The following KCNIP4 variants were observed in gnomAD, a reference collection of about 807,000 sequenced individuals.
KCNIP4 encodes the protein potassium voltage-gated channel interacting protein 4, also known as Kv channel-interacting protein 4.
A neutral mutation model predicts 34.0 loss-of-function variants in KCNIP4; 12 were observed. That is an observed-to-expected ratio of 0.35 (90% CI 0.23 to 0.57). KCNIP4 has a LOEUF of 0.57. Among genes scored for constraint, KCNIP4 ranks in the 20% least tolerant of loss-of-function variants. The pLI is 0.83. For synonymous variants in KCNIP4, 124 were observed against 102.2 expected (o/e 1.21, Z -1.29); for missense variants, 238 against 311.7 (o/e 0.76, Z 1.78).
At chr4:21,626,910 T>C (rs1292111640) in intron 1 of KCNIP4, among the ~76,000 whole-genome samples, 1 of 152,174 alleles carries the variant, frequency 6.6e-6, no homozygotes, top group African/African-American at 2.4e-5. Context: ...CCAGTCACTG[T>C]TGTGCAACTG....
chr4:21,774,997 T>C (rs1356480625), intron 1 of KCNIP4, among the ~76,000 whole-genome samples: 17 of 152,176 alleles, frequency 1.1e-4, no homozygotes, highest in Admixed American at 1.1e-3. Context: ...GATGGAGAGA[T>C]GTTGTGATCA....
chr4:21,389,679 AT>A (rs1355777823), intron 1 of KCNIP4, among the ~76,000 whole-genome samples: 1 of 151,428 alleles, frequency 6.6e-6, no homozygotes, highest in Non-Finnish European at 1.5e-5. Flanking sequence ...TATGTGCCAC[AT>A]TTTCTTAATC....
At chr4:20,757,345 T>G (rs1754567611) in intron 4 of KCNIP4, among the ~76,000 whole-genome samples, 1 of 152,200 alleles carries the variant, frequency 6.6e-6, no homozygotes, top group Non-Finnish European at 1.5e-5. Context: ...CCTGCAGTAT[T>G]GCTGACCTCA....
intron 1 of KCNIP4, among the ~76,000 whole-genome samples, chr4:21,140,810 A>G (rs1751894219): frequency 6.6e-6 from 1 of 152,100 alleles, no homozygotes; most frequent in Non-Finnish European, 1.5e-5. Context: ...CCAAGGTTGG[A>G]AAGTCCCTGT....
intron 1 of KCNIP4, among the ~76,000 whole-genome samples, chr4:21,018,605 T>G (rs1739760227): frequency 6.6e-6 from 1 of 152,160 alleles, no homozygotes. Context: ...GCTGAACCTA[T>G]TGACACTGCA....
At chr4:21,871,013 G>A (rs1382961234) in intron 1 of KCNIP4, among the ~76,000 whole-genome samples, 1 of 151,562 alleles carries the variant, frequency 6.6e-6, no homozygotes, top group East Asian at 1.9e-4. Context: ...AAAAACATGT[G>A]GTTGACAAAA....
intron 1 of KCNIP4, among the ~76,000 whole-genome samples, chr4:21,763,841 T>C (rs2109174915): frequency 6.6e-6 from 1 of 152,240 alleles, no homozygotes; most frequent in African/African-American, 2.4e-5. Flanking sequence ...CTGATTTATC[T>C]GAAATTGTAA....
intron 1 of KCNIP4, among the ~76,000 whole-genome samples, chr4:21,388,006 G>T (rs1212083503): frequency 6.6e-6 from 1 of 151,046 alleles, no homozygotes; most frequent in Non-Finnish European, 1.5e-5. Context: ...TTTTCTCTGG[G>T]ACGGGATGAA....
chr4:20,939,387 T>C (rs533439095), intron 1 of KCNIP4, among the ~76,000 whole-genome samples: 3 of 152,238 alleles, frequency 2.0e-5, no homozygotes, highest in East Asian at 3.9e-4. Context: ...TATTTATTTA[T>C]TTATTTTTTG....
chr4:21,653,653 T>G (rs771856237), intron 1 of KCNIP4, among the ~76,000 whole-genome samples: 8 of 152,244 alleles, frequency 5.3e-5, no homozygotes, highest in Non-Finnish European at 1.0e-4. Context: ...CAGCTACTAC[T>G]TATTAAATAT....
chr4:21,366,087 T>C (rs1410098918), intron 1 of KCNIP4, among the ~76,000 whole-genome samples: 1 of 152,206 alleles, frequency 6.6e-6, no homozygotes, highest in Non-Finnish European at 1.5e-5. Flanking sequence ...GCTTAGGAAT[T>C]GCACTTTTCA....
chr4:21,279,503 A>C (rs145349748), intron 1 of KCNIP4, among the ~76,000 whole-genome samples: 70 of 142,612 alleles, frequency 4.9e-4, no homozygotes, highest in Admixed American at 3.2e-3. Context: ...ATATATATAC[A>C]TACATACATA....
chr4:21,342,275 G>C (rs921177143), intron 1 of KCNIP4, among the ~76,000 whole-genome samples: 1 of 152,054 alleles, frequency 6.6e-6, no homozygotes, highest in African/African-American at 2.4e-5. Context: ...GGTAAGGAGA[G>C]GATGAAAGAG....
chr4:20,858,188 G>T (rs552663905), intron 2 of KCNIP4, among the ~76,000 whole-genome samples: 3 of 125,238 alleles, frequency 2.4e-5, no homozygotes, highest in Non-Finnish European at 4.8e-5. Context: ...TCCAGCTTGG[G>T]CAATGAGAGT....
intron 1 of KCNIP4, among the ~76,000 whole-genome samples, chr4:21,504,055 T>A (rs554250169): frequency 1.3e-5 from 2 of 152,200 alleles, no homozygotes; most frequent in Non-Finnish European, 2.9e-5. Flanking sequence ...CACTCTCATT[T>A]ACTGGCTCTA....
At chr4:21,858,449 C>T (rs1724882867) in intron 1 of KCNIP4, among the ~76,000 whole-genome samples, 1 of 152,176 alleles carries the variant, frequency 6.6e-6, no homozygotes. Flanking sequence ...ATGAAAGTGT[C>T]TCAGCTTTCT....
intron 3 of KCNIP4, among the ~76,000 whole-genome samples, chr4:20,827,969 T>A (rs1048922391): frequency 4.6e-5 from 7 of 152,246 alleles, no homozygotes; most frequent in African/African-American, 1.7e-4. Context: ...TCTGATACAA[T>A]TGTGATGTGT....
chr4:21,398,733 A>C (rs924441144), intron 1 of KCNIP4, among the ~76,000 whole-genome samples: 4 of 152,190 alleles, frequency 2.6e-5, no homozygotes, highest in African/African-American at 7.2e-5. Context: ...TCCCAAACAC[A>C]AAAAGCACAC....
chr4:21,407,743 C>G (rs1724118095), intron 1 of KCNIP4, among the ~76,000 whole-genome samples: 1 of 152,186 alleles, frequency 6.6e-6, no homozygotes, highest in Non-Finnish European at 1.5e-5. Context: ...TCCATTGCCA[C>G]TTTTTATTTT....
Sources: allele counts gnomAD v4.1 joint callset (sites outside exome capture counted in the v4.1 genomes callset), GRCh38; gene constraint gnomAD v4.1.1; transcripts MANE v1.5; gene names NCBI Gene and HGNC (gene_info 2026-07-23, HGNC 2026-07-21).